The following CHD1 variants were observed in gnomAD, a reference collection of about 807,000 sequenced individuals.
CHD1 encodes ATP-dependent chromatin remodeler CHD1.
A neutral mutation model predicts 224.2 loss-of-function variants in CHD1; 36 were observed. The ratio of observed to expected loss-of-function variants is 0.16; its 90% CI spans 0.12 to 0.21. CHD1 has a LOEUF of 0.21. Among genes scored for constraint, CHD1 ranks in the 10% least tolerant of loss-of-function variants. CHD1 has a pLI of 1.00. For synonymous variants in CHD1, 668 were observed against 658.3 expected, an observed-to-expected ratio of 1.01 and a Z score of -0.23; for missense variants, 1,378 against 1,994.8, an observed-to-expected ratio of 0.69 and a Z score of 5.89.
chr5:98,881,377 T>C lies in CHD1; in HGVS notation c.2868-2A>G. On this transcript the variant is annotated splice_acceptor_variant, in intron 20 of 35. Coordinates refer to ENST00000614616, the MANE Select transcript of CHD1 (RefSeq NM_001270.4). LOFTEE classifies it high-confidence loss of function. ...TCTTCTTTATTGAAAGGAGTAGAAC[T>C]AAAACAGGAAAAACAAAAATGCTTA... 6.8e-7 allele frequency: 1 copy of C among 1,472,766 alleles called. No individual in the cohort carries two copies. 91.2% of individuals were successfully genotyped at this position (1,472,766 alleles called of 1,614,324 possible).
At chr5:98,910,471 C>T (rs925097572) in intron 2 of CHD1, among the ~76,000 whole-genome samples, 2 of 152,016 alleles carry the variant, frequency 1.3e-5, no homozygotes, top group Admixed American at 1.3e-4. Flanking sequence ...AGACTGCTTT[C>T]TTACTAATTT....
In CHD1 at chr5:98,899,577, T is replaced by C. The variant is rs754460275; in HGVS notation, c.988A>G (p.Asn330Asp). The change falls in exon 8 of 36, where the codon AAC becomes GAC. Residue 330 changes from asparagine (N) to aspartate (D), a missense_variant. Physicochemically the swap from Asn to Asp is conservative, Grantham distance 23. Around this residue, in one of 16 missense-constraint regions of CHD1, gnomAD observed 6 missense variants for 37.0 expected, o/e 0.16. Coordinates refer to ENST00000614616, the MANE Select transcript of CHD1 (RefSeq NM_001270.4). ...IKWKGWSHIH[N>D]TWETEETLKQ... is the part of the protein sequence containing the mutation. ...AGGGTTTCTTCTGTCTCCCAAGTGT[T>C]GTGGATATGGGACCATCCTTTCCAT... 1.2e-6 allele frequency: 2 copies of C among 1,613,860 alleles called. No individual in the cohort carries two copies. Among genetic ancestry groups the C allele is most frequent in the Non-Finnish European group, 1.7e-6 (2 of 1,179,814 alleles).
intron 23 of CHD1, among the ~76,000 whole-genome samples, chr5:98,878,410 G>A (rs1749925528): frequency 6.6e-6 from 1 of 152,168 alleles, no homozygotes; most frequent in South Asian, 2.1e-4. Flanking sequence ...ACTAGAGTGG[G>A]GCAAGCCCCT....
chr5:98,883,294 A>G, intron 18 of CHD1, 57 bp from the exon 19 acceptor site: 2 of 1,233,582 alleles, frequency 1.6e-6, no homozygotes, highest in African/African-American at 3.0e-5. Flanking sequence ...TCTGAACGTA[A>G]GCAGTATGGT....
At chr5:98,862,359 C>T (rs756357096) in intron 32 of CHD1, among the ~76,000 whole-genome samples, 2 of 152,018 alleles carry the variant, frequency 1.3e-5, no homozygotes, top group Non-Finnish European at 2.9e-5. Context: ...AGGTAATCTG[C>T]CCAACTGAGT....
rs199809090 is a variant in CHD1, at chr5:98,905,060, C to G, written c.92G>C (p.Gly31Ala). The G allele has an allele frequency of 3.1e-6, 5 of 1,601,848 alleles. No homozygotes were observed. Among genetic ancestry groups the G allele is most frequent in the Non-Finnish European group, 4.3e-6 (5 of 1,168,930 alleles). ...ACTGCTTCCAGAACTCGAACCAGATCCAGAGCCTGAAGCTGACCCAGAATC... is the reference window on the plus strand; with the variant it reads ...ACTGCTTCCAGAACTCGAACCAGATGCAGAGCCTGAAGCTGACCCAGAATC... ...DDDSGSASGS[G>A]SGSSSGSSSD... The change falls in exon 3 of 36, where the codon GGA becomes GCA. Residue 31 changes from glycine (G) to alanine (A), a missense_variant. Gly to Ala is a moderately conservative substitution (Grantham distance 60). This residue lies in a region of CHD1 where 306 missense variants were observed against 298.1 expected (regional missense o/e 1.03). Coordinates refer to ENST00000614616, the MANE Select transcript of CHD1 (RefSeq NM_001270.4).
At chr5:98,868,408 C>A in intron 31 of CHD1, 87 bp downstream of exon 31, 2 of 1,064,966 alleles carry the variant, frequency 1.9e-6, no homozygotes, top group Non-Finnish European at 2.6e-6. Context: ...AATTCAAATG[C>A]AGTTCTAAAT....
intron 7 of CHD1, 140 bp from the exon 8 acceptor site, chr5:98,899,845 A>G (rs1751579235): frequency 1.7e-6 from 1 of 590,512 alleles, no homozygotes; most frequent in African/African-American, 1.9e-5. Flanking sequence ...CTTATGGGAA[A>G]TTCTATTGCT....
intron 2 of CHD1, among the ~76,000 whole-genome samples, chr5:98,910,230 T>G (rs1165865472): frequency 1.3e-5 from 2 of 152,106 alleles, no homozygotes; most frequent in Non-Finnish European, 2.9e-5. Flanking sequence ...TCGGGTTGAG[T>G]TGGTTGCAAA....
intron 33 of CHD1, 84 bp from the exon 34 acceptor site, chr5:98,859,099 GATA>G (rs1003701030): frequency 2.0e-6 from 2 of 984,994 alleles, no homozygotes; most frequent in East Asian, 5.3e-5. Flanking sequence ...AGAAAATACT[GATA>G]ATGAAGTCTT....
rs763444141 is a variant in CHD1 at position 98,855,264 on chromosome 5, G to GT, written c.*1115dup. On this transcript the variant is annotated 3_prime_UTR_variant, in exon 36 of 36. Coordinates refer to ENST00000614616, the MANE Select transcript of CHD1 (RefSeq NM_001270.4). ...TTTTTATATACAATCAGTGTGCATT[G>GT]TAACAGTTTATATTAAAAGTCAATC... The GT allele has an allele frequency of 2.6e-5, 4 of 152,450 alleles. No homozygotes were observed. The highest frequency in any genetic ancestry group is 4.4e-5 in the Non-Finnish European group (3 of 68,000). The allele number at this position is 152,450 out of a possible 1,614,324, so 9.4% of individuals were successfully genotyped here. A position where few individuals can be genotyped will look rare whatever the true frequency, so the allele number is the denominator to read the frequency against.
chr5:98,900,003 C>A (rs893927787), intron 7 of CHD1, among the ~76,000 whole-genome samples: 1 of 152,122 alleles, frequency 6.6e-6, no homozygotes, highest in Non-Finnish European at 1.5e-5. Flanking sequence ...CAGCTGGAGG[C>A]CCAGCACGGT....
In CHD1 at chr5:98,901,195, G is replaced by A. The variant is rs1751682791; in HGVS notation, c.578C>T (p.Pro193Leu). ...EPKNKVKSRK[P>L]QNRSKSKNGK... The stretch of plus-strand genomic sequence containing the variant: ...CAAACTGAGACCATACCTATTTTGA[G>A]GTTTTCTGCTTTTGACTTTGTTTTT... The change falls in exon 6 of 36, where the codon CCT (proline) becomes CTT (leucine). Residue 193 changes from proline (P) to leucine (L), a missense_variant. Physicochemically the swap from Pro to Leu is moderately conservative, Grantham distance 98. Coordinates refer to ENST00000614616, the MANE Select transcript of CHD1 (RefSeq NM_001270.4). The A allele has an allele frequency of 3.7e-6, 6 of 1,611,154 alleles. No homozygotes were observed. The South Asian group carries it at 6.6e-5, about 18-fold the overall frequency.
chr5:98,867,574 G>GT (rs1357233145), intron 31 of CHD1, among the ~76,000 whole-genome samples: 1 of 152,038 alleles, frequency 6.6e-6, no homozygotes, highest in Admixed American at 6.5e-5. Flanking sequence ...GTGTGTGTGT[G>GT]TACATATTTA....
chr5:98,917,299 C>CAAAAAAAAAAAA lies in CHD1; in HGVS notation c.53+9023_53+9034dup, dbSNP rs70984334. On this transcript the variant is annotated intron_variant, in intron 2 of 35. Coordinates refer to ENST00000614616, the MANE Select transcript of CHD1 (RefSeq NM_001270.4). ...GCCCATCCCTCCAAAAACAAAGAAA[C>CAAAAAAAAAAAA]AAAAAAAAAAAACAACCTCTTAATT... Among the ~76,000 whole-genome samples, 180 of 119,718 alleles carry CAAAAAAAAAAAA rather than the reference C, an allele frequency of 1.5e-3. 4 individuals are homozygous for CAAAAAAAAAAAA. Among genetic ancestry groups the CAAAAAAAAAAAA allele is most frequent in the African/African-American group, 2.8e-3 (72 of 25,296 alleles). The allele number at this position is 119,718 out of a possible 152,430, so 78.5% of individuals were successfully genotyped here. A position where few individuals can be genotyped will look rare whatever the true frequency, so the allele number is the denominator to read the frequency against.
intron 7 of CHD1, 80 bp from the exon 8 acceptor site, chr5:98,899,785 T>C (rs1021531936): frequency 1.1e-6 from 1 of 949,580 alleles, no homozygotes; most frequent in Admixed American, 2.2e-5. Context: ...TTCAATAATA[T>C]GAGTACAAAA....
intron 22 of CHD1, among the ~76,000 whole-genome samples, chr5:98,880,796 T>C (rs1284880175): frequency 6.6e-6 from 1 of 152,230 alleles, no homozygotes; most frequent in Non-Finnish European, 1.5e-5. Context: ...GATTCATTTA[T>C]TTACCTAAGT....
chr5:98,919,115 A>C (rs1003087963), intron 2 of CHD1, among the ~76,000 whole-genome samples: 1 of 152,238 alleles, frequency 6.6e-6, no homozygotes, highest in African/African-American at 2.4e-5. Context: ...ATACATGCAT[A>C]TGAATTTAAC....
chr5:98,864,517 CA>C (rs67061692), intron 31 of CHD1, among the ~76,000 whole-genome samples: 1,540 of 58,058 alleles, frequency 0.027, 6 homozygotes, highest in Middle Eastern at 0.046. Context: ...GATTCTATAC[CA>C]AAAAAAAAAA....
Sources: allele counts gnomAD v4.1 joint callset (sites outside exome capture counted in the v4.1 genomes callset), GRCh38; gene constraint gnomAD v4.1.1; regional missense constraint gnomAD v4.1.1; transcripts MANE v1.5; gene names NCBI Gene and HGNC (gene_info 2026-07-23, HGNC 2026-07-21).